PYGB: variants seen among roughly 807,000 people sequenced by gnomAD.
PYGB encodes the protein glycogen phosphorylase, brain form.
PYGB carries 82 observed loss-of-function variants against 94.3 expected under a neutral mutation model. The ratio of observed to expected loss-of-function variants is 0.87; its 90% CI spans 0.73 to 1.04. The LOEUF (loss-of-function observed/expected upper bound fraction) is 1.04, where lower values mean the gene tolerates loss of function less well. PYGB is among the 50% of genes least tolerant of loss of function. The probability of loss-of-function intolerance (pLI) is 0.00; values close to 1 mark genes in which losing one functional copy is unlikely to be tolerated. For missense variants in PYGB, 1,132 were observed against 1,158.2 expected, an observed-to-expected ratio of 0.98 and a Z score of 0.33; for synonymous variants, 488 against 479.1, an observed-to-expected ratio of 1.02 and a Z score of -0.24.
At chr20:25,248,528 G>C (rs573401638) in intron 1 of PYGB, 107 bp downstream of exon 1, 1 of 1,220,166 alleles carries the variant, frequency 8.2e-7, no homozygotes, top group East Asian at 3.2e-5. Context: ...CGTTACCTGC[G>C]CCCCTAGCCG....
chr20:25,274,319 C>T (rs1457845802), intron 4 of PYGB, among the ~76,000 whole-genome samples: 1 of 152,206 alleles, frequency 6.6e-6, no homozygotes. Flanking sequence ...AAGCTCCATC[C>T]AGATCGGAGC....
chr20:25,296,553 ATT>A lies in PYGB; in HGVS notation c.*33_*34del. The stretch of plus-strand genomic sequence containing the variant: ...CCCTGCCTTGGCGGGACCAGCGGGC[ATT>A]TGTTTTCTTGCTGACTTTGCACCTC... On this transcript the variant is annotated 3_prime_UTR_variant, in exon 20 of 20. Transcript: ENST00000216962. 1 of 1,588,694 alleles carries A rather than the reference ATT, an allele frequency of 6.3e-7. No homozygotes were observed. The highest frequency in any genetic ancestry group is 8.6e-7 in the Non-Finnish European group (1 of 1,167,406).
chr20:25,278,478 G>C lies in PYGB; in HGVS notation c.999+16G>C, dbSNP rs756036397. The C allele has an allele frequency of 1.2e-6, 2 of 1,613,024 alleles. No homozygotes were observed. The highest frequency in any genetic ancestry group is 1.7e-5 in the Admixed American group (1 of 59,976). On this transcript the variant is annotated intron_variant, in intron 8 of 19. Transcript: ENST00000216962. ...CCCAGACAAGGTGCATGGTGGCCCT[G>C]GGAGGGATCTCAGTGCCAGGGGCTG...
intron 6 of PYGB, 61 bp downstream of exon 6, chr20:25,276,818 C>G: frequency 6.7e-7 from 1 of 1,490,976 alleles, no homozygotes; most frequent in Non-Finnish European, 9.2e-7. Flanking sequence ...CAGACACCCT[C>G]GCCCACAGCC....
chr20:25,250,958 G>A (rs988116794), intron 1 of PYGB: 21 of 152,206 alleles, frequency 1.4e-4, no homozygotes, highest in Admixed American at 1.0e-3. Context: ...TGTTTTTTCC[G>A]TATTGGCAGA....
chr20:25,287,998 A>T (rs914965390), intron 14 of PYGB, among the ~76,000 whole-genome samples: 2 of 152,172 alleles, frequency 1.3e-5, no homozygotes, highest in African/African-American at 4.8e-5. Context: ...AAAACCAAAC[A>T]AAACCCACAA....
chr20:25,289,998 T>C (rs2088451427), intron 15 of PYGB: 2 of 529,752 alleles, frequency 3.8e-6, no homozygotes, highest in Non-Finnish European at 7.8e-6. Context: ...TTGGTCTGAG[T>C]GAGGGCCCAG....
intron 7 of PYGB, among the ~76,000 whole-genome samples, chr20:25,278,109 G>T (rs572504371): frequency 6.6e-6 from 1 of 152,244 alleles, no homozygotes; most frequent in South Asian, 2.1e-4. Flanking sequence ...TACTTCTGAC[G>T]GATGGACACT....
In PYGB at chr20:25,259,155, C is replaced by T; in HGVS notation, c.244-82C>T. On this transcript the variant is annotated intron_variant, in intron 1 of 19. Transcript: ENST00000216962. ...AATGAAATCCCGAGTGGGGGCTTGG[C>T]TTCATGGGTCGTGTCATCTCTGTAA... The T allele has an allele frequency of 3.2e-6, 4 of 1,235,358 alleles. No homozygotes were observed. The South Asian group carries it at 5.3e-5, about 16-fold the overall frequency. The allele number at this position is 1,235,358 out of a possible 1,614,324, so 76.5% of individuals were successfully genotyped here.
chr20:25,275,234 G>T (rs536722042), intron 5 of PYGB, among the ~76,000 whole-genome samples: 5 of 152,244 alleles, frequency 3.3e-5, no homozygotes, highest in Non-Finnish European at 1.5e-5. Flanking sequence ...GGTGACATCC[G>T]GGGATGGGGC....
At position 25,248,125 on chromosome 20, in the gene PYGB, G is replaced by C. The variant is rs1412204637; in HGVS notation, c.-54G>C. 31 of 1,497,396 alleles carry C rather than the reference G, an allele frequency of 2.1e-5. No individual in the cohort carries two copies. Among genetic ancestry groups the C allele is most frequent in the Non-Finnish European group, 2.5e-5 (28 of 1,127,342 alleles). 92.8% of individuals were successfully genotyped at this position (1,497,396 alleles called of 1,614,324 possible). On this transcript the variant is annotated 5_prime_UTR_variant, in exon 1 of 20. Coordinates refer to ENST00000216962, the MANE Select transcript of PYGB (RefSeq NM_002862.4). Reference sequence around the variant, plus strand: ...GAGCAGCTGCACCATCCCGGCGTTCGCGTGTGCCGCCGCTTTCCTCCTCCA... The same window carrying C: ...GAGCAGCTGCACCATCCCGGCGTTCCCGTGTGCCGCCGCTTTCCTCCTCCA...
rs545960531 is a variant in PYGB, at chr20:25,271,236, G to C, written c.425-147G>C. 6.8e-5 allele frequency: 47 copies of C among 696,280 alleles called. No homozygotes were observed. The African/African-American group carries it at 8.3e-4, about 12-fold the overall frequency. 43.1% of individuals were successfully genotyped at this position (696,280 alleles called of 1,614,324 possible). A position where few individuals can be genotyped will look rare whatever the true frequency, so the allele number is the denominator to read the frequency against. On this transcript the variant is annotated intron_variant, in intron 3 of 19. Coordinates refer to ENST00000216962, the MANE Select transcript of PYGB (RefSeq NM_002862.4). ...CTGTGGCCCCAGGCTCTCATGGAGA[G>C]GCTGAGGGCTCCAGTTTTCCTCTCA...
intron 18 of PYGB, chr20:25,294,969 T>C (rs2088517692): frequency 1.2e-6 from 2 of 1,614,202 alleles, no homozygotes. Context: ...CCTGTTGGCT[T>C]CAGTCACACC....
At chr20:25,253,459 C>G (rs940612162) in intron 1 of PYGB, among the ~76,000 whole-genome samples, 3 of 152,066 alleles carry the variant, frequency 2.0e-5, no homozygotes, top group Non-Finnish European at 4.4e-5. Context: ...CGAGACCAGC[C>G]TGACCAATAT....
chr20:25,270,838 C>G (rs1158904119), intron 3 of PYGB, among the ~76,000 whole-genome samples: 1 of 152,188 alleles, frequency 6.6e-6, no homozygotes, highest in Non-Finnish European at 1.5e-5. Context: ...GTTTTTCTTT[C>G]AAGACGTTTT....
intron 16 of PYGB, among the ~76,000 whole-genome samples, chr20:25,292,159 G>A (rs1022797678): frequency 3.3e-5 from 5 of 152,180 alleles, no homozygotes; most frequent in Non-Finnish European, 7.3e-5. Flanking sequence ...TGGCTCCTGA[G>A]GAGCCCCCAT....
intron 14 of PYGB, 32 bp downstream of exon 14, chr20:25,284,283 T>C: frequency 1.9e-6 from 3 of 1,599,896 alleles, no homozygotes; most frequent in Non-Finnish European, 2.6e-6. Flanking sequence ...ATGACCGCGC[T>C]GTGGGGCCCA....
intron 14 of PYGB, among the ~76,000 whole-genome samples, chr20:25,286,154 AT>A (rs2088416462): frequency 6.6e-6 from 1 of 152,214 alleles, no homozygotes; most frequent in Non-Finnish European, 1.5e-5. Flanking sequence ...ATTTTCGCCA[AT>A]ACTCCGGGTG....
rs1040958668 is a variant in PYGB at position 25,277,389 on chromosome 20, C to T, written c.855+63C>T. 1.5e-5 allele frequency: 22 copies of T among 1,483,888 alleles called. No individual in the cohort carries two copies. In the East Asian group the frequency reaches 4.3e-4, roughly 29 times the overall value. The allele number at this position is 1,483,888 out of a possible 1,614,324, so 91.9% of individuals were successfully genotyped here. A position where few individuals can be genotyped will look rare whatever the true frequency, so the allele number is the denominator to read the frequency against. Reference sequence around the variant, plus strand: ...TCGCTTTCTGGCATAGAGAGGTGGGCTGGCTGGCCGGGCTCCCCAGTGGGG... The same window carrying T: ...TCGCTTTCTGGCATAGAGAGGTGGGTTGGCTGGCCGGGCTCCCCAGTGGGG... On this transcript the variant is annotated intron_variant, in intron 7 of 19. Coordinates refer to ENST00000216962, the MANE Select transcript of PYGB (RefSeq NM_002862.4).
Sources: allele counts gnomAD v4.1 joint callset (sites outside exome capture counted in the v4.1 genomes callset), GRCh38; gene constraint gnomAD v4.1.1; transcripts MANE v1.5; gene names NCBI Gene and HGNC (gene_info 2026-07-23, HGNC 2026-07-21).